Variants in TPD52L1 observed in about 807,000 individuals in gnomAD.
The protein encoded by TPD52L1 is TPD52 like 1.
Under a neutral mutation model 28.7 loss-of-function variants are expected in TPD52L1, and 18 were observed. That is an observed-to-expected ratio of 0.63 (90% CI 0.43 to 0.93). The LOEUF (loss-of-function observed/expected upper bound fraction) is 0.93. TPD52L1 is among the 40% of genes least tolerant of loss of function. The pLI is 0.00. For synonymous variants in TPD52L1, 75 were observed against 88.8 expected (o/e 0.84, Z 0.88); for missense variants, 203 against 254.8 (o/e 0.80, Z 1.39).
intron 2 of TPD52L1, among the ~76,000 whole-genome samples, chr6:125,221,474 G>A (rs1019824670): frequency 1.3e-5 from 2 of 152,138 alleles, no homozygotes; most frequent in African/African-American, 4.8e-5. Context: ...ACTCCATCAT[G>A]GTGATAATGC....
At chr6:125,174,402 A>G (rs1432449879) in intron 1 of TPD52L1, among the ~76,000 whole-genome samples, 1 of 152,208 alleles carries the variant, frequency 6.6e-6, no homozygotes, top group Non-Finnish European at 1.5e-5. Flanking sequence ...AAAGTTAAAA[A>G]TAGCTTTCTG....
At chr6:125,209,900 T>C (rs146514501) in intron 1 of TPD52L1, among the ~76,000 whole-genome samples, 1 of 152,346 alleles carries the variant, frequency 6.6e-6, no homozygotes, top group African/African-American at 2.4e-5. Context: ...ATTGAATTTT[T>C]AATTAATTTA....
intron 2 of TPD52L1, 54 bp downstream of exon 2, chr6:125,220,247 T>A (rs994339276): frequency 1.8e-5 from 21 of 1,170,160 alleles, no homozygotes; most frequent in Admixed American, 7.4e-5. Flanking sequence ...TTAAGAGTTA[T>A]TATTAGTTTG....
intron 1 of TPD52L1, among the ~76,000 whole-genome samples, chr6:125,174,345 A>G (rs774231770): frequency 3.9e-5 from 6 of 152,184 alleles, no homozygotes; most frequent in Non-Finnish European, 7.4e-5. Context: ...TTTTTAATGC[A>G]TTCTTTTACC....
intron 1 of TPD52L1, among the ~76,000 whole-genome samples, chr6:125,173,297 C>T (rs148786194): frequency 2.6e-5 from 4 of 152,296 alleles, no homozygotes; most frequent in African/African-American, 4.8e-5. Context: ...AAGAACTTTC[C>T]GCTTTGAGTC....
intron 1 of TPD52L1, among the ~76,000 whole-genome samples, chr6:125,178,723 G>A (rs1791986876): frequency 6.6e-6 from 1 of 152,146 alleles, no homozygotes; most frequent in South Asian, 2.1e-4. Flanking sequence ...GATGTGAAAT[G>A]TGAGGGATGG....
intron 2 of TPD52L1, chr6:125,221,997 G>A (rs1398339305): frequency 6.6e-6 from 1 of 152,164 alleles, no homozygotes. Context: ...GTGAAAAGCA[G>A]AGAAAGTGTA....
chr6:125,222,439 A>T (rs1795300832), intron 2 of TPD52L1, among the ~76,000 whole-genome samples: 1 of 152,178 alleles, frequency 6.6e-6, no homozygotes, highest in African/African-American at 2.4e-5. Context: ...CCTTGGAGTC[A>T]GGCACTCAGT....
chr6:125,186,771 G>T (rs1185392001), intron 1 of TPD52L1, among the ~76,000 whole-genome samples: 2 of 152,156 alleles, frequency 1.3e-5, no homozygotes, highest in Non-Finnish European at 2.9e-5. Context: ...CTCAGCCACA[G>T]AAAAGTCAAA....
At chr6:125,188,967 C>T (rs1792852223) in intron 1 of TPD52L1, among the ~76,000 whole-genome samples, 3 of 152,196 alleles carry the variant, frequency 2.0e-5, no homozygotes, top group African/African-American at 7.2e-5. Context: ...CAAAGCCTTG[C>T]AATACTTTTA....
At position 125,217,465 on chromosome 6, in the gene TPD52L1, C is replaced by T. The variant is rs576900730; in HGVS notation, c.20-2613C>T. Among the ~76,000 whole-genome samples the T allele has an allele frequency of 1.4e-4, 22 of 152,260 alleles. 2 individuals carry two copies. The highest frequency in any genetic ancestry group is 3.9e-4 in the African/African-American group (16 of 41,542). On this transcript the variant is annotated intron_variant, in intron 1 of 6. Transcript: ENST00000534000. ...TAAGGAGCACGCAAGCTAGATCCCTCGCATGTGCAGTTCACAATAGGGTTT... is the reference window on the plus strand; with the variant it reads ...TAAGGAGCACGCAAGCTAGATCCCTTGCATGTGCAGTTCACAATAGGGTTT...
intron 1 of TPD52L1, among the ~76,000 whole-genome samples, chr6:125,187,068 T>C (rs1266183653): frequency 2.0e-5 from 3 of 152,164 alleles, no homozygotes; most frequent in Non-Finnish European, 2.9e-5. Flanking sequence ...ATATACCAGT[T>C]AATAGATTAA....
intron 3 of TPD52L1, among the ~76,000 whole-genome samples, chr6:125,241,069 G>T (rs550150193): frequency 2.6e-4 from 40 of 151,982 alleles, no homozygotes; most frequent in Non-Finnish European, 4.9e-4. Flanking sequence ...ACTTTTCTGT[G>T]TCTATTGAGA....
chr6:125,216,679 T>C (rs1582948189), intron 1 of TPD52L1, among the ~76,000 whole-genome samples: 1 of 151,638 alleles, frequency 6.6e-6, no homozygotes, highest in East Asian at 1.9e-4. Flanking sequence ...TAGTGGATAA[T>C]TTTACTGTCT....
intron 3 of TPD52L1, among the ~76,000 whole-genome samples, chr6:125,241,440 A>G (rs1015977229): frequency 6.6e-6 from 1 of 151,980 alleles, no homozygotes; most frequent in East Asian, 1.9e-4. Context: ...CTGTGAATGT[A>G]TATGGCCCTG....
chr6:125,153,946 GCCA>G lies in TPD52L1; in HGVS notation c.-2_1del, dbSNP rs1382903522. 6.2e-7 allele frequency: 1 copy of G among 1,606,908 alleles called. No homozygotes were observed. The highest frequency in any genetic ancestry group is 2.2e-5 in the East Asian group (1 of 44,734). ...CCCCGCCGCCCTCAGCTCGAAGTCA[GCCA>G]CCATGGAGGCGCAGGCACAAGGTGA... On this transcript the variant is annotated 5_prime_UTR_variant, in exon 1 of 7. Coordinates refer to ENST00000534000, the MANE Select transcript of TPD52L1 (RefSeq NM_003287.4).
At chr6:125,162,148 A>G (rs1440917006) in intron 1 of TPD52L1, among the ~76,000 whole-genome samples, 3 of 152,160 alleles carry the variant, frequency 2.0e-5, no homozygotes, top group African/African-American at 7.2e-5. Context: ...TATTCATACA[A>G]TTTTCAAAGT....
intron 1 of TPD52L1, among the ~76,000 whole-genome samples, chr6:125,156,953 G>T (rs1240823177): frequency 1.3e-5 from 2 of 152,046 alleles, no homozygotes; most frequent in Non-Finnish European, 2.9e-5. Context: ...CAGACTTTTT[G>T]TTATTTATAA....
chr6:125,191,161 G>A (rs974156309), intron 1 of TPD52L1, among the ~76,000 whole-genome samples: 1 of 152,128 alleles, frequency 6.6e-6, no homozygotes, highest in African/African-American at 2.4e-5. Context: ...TGCTGATCTT[G>A]GGTTTTCTTT....
Sources: allele counts gnomAD v4.1 joint callset (sites outside exome capture counted in the v4.1 genomes callset), GRCh38; gene constraint gnomAD v4.1.1; transcripts MANE v1.5; gene names NCBI Gene and HGNC (gene_info 2026-07-23, HGNC 2026-07-21).